GARNL3: variants seen among roughly 807,000 people sequenced by gnomAD.
GARNL3 encodes the protein GTPase-activating Rap/Ran-GAP domain-like protein 3.
GARNL3 carries 63 observed loss-of-function variants against 125.0 expected under a neutral mutation model. The ratio of observed to expected loss-of-function variants is 0.50; its 90% CI spans 0.41 to 0.62. The LOEUF is 0.62. GARNL3 is among the 20% of genes least tolerant of loss of function. The pLI, the probability that GARNL3 is intolerant of heterozygous loss-of-function variation, is 0.00. For missense variants in GARNL3, 994 were observed against 1,244.0 expected, an observed-to-expected ratio of 0.80 and a Z score of 3.02; for synonymous variants, 439 against 457.5, an observed-to-expected ratio of 0.96 and a Z score of 0.52.
At chr9:127,225,520 G>T in intron 1 of GARNL3, 1 of 348,438 alleles carries the variant, frequency 2.9e-6, no homozygotes, top group Non-Finnish European at 4.0e-6. Context: ...GAGGTTCTCA[G>T]GAGACCGGGC....
intron 2 of GARNL3, among the ~76,000 whole-genome samples, chr9:127,296,813 C>T (rs942794223): frequency 8.6e-5 from 13 of 151,928 alleles, no homozygotes; most frequent in Non-Finnish European, 1.3e-4. Flanking sequence ...GGATGACTGC[C>T]TCAATCTTCA....
chr9:127,329,932 T>TGCTA (rs1185926501), intron 7 of GARNL3, among the ~76,000 whole-genome samples: 1 of 152,184 alleles, frequency 6.6e-6, no homozygotes, highest in East Asian at 1.9e-4. Flanking sequence ...TAGTCCTTCT[T>TGCTA]GCTAGCTGTC....
chr9:127,228,290 A>G (rs1186621830), intron 1 of GARNL3, among the ~76,000 whole-genome samples: 4 of 152,260 alleles, frequency 2.6e-5, no homozygotes, highest in African/African-American at 7.2e-5. Flanking sequence ...GTCAACTTTT[A>G]TAAACAGGTC....
rs775983918 is a variant in GARNL3 at position 127,332,366 on chromosome 9, C to G, written c.670+17C>G. The G allele has an allele frequency of 1.2e-6, 2 of 1,604,810 alleles. No homozygotes were observed. The highest frequency in any genetic ancestry group is 1.7e-6 in the Non-Finnish European group (2 of 1,171,664). ...TCAGCAATGGTGAGTGATCTCCTCC[C>G]GCTCTCTGCTGCCAGAGACCCTGTC... On this transcript the variant is annotated intron_variant, in intron 8 of 27. Transcript: ENST00000373387.
chr9:127,296,944 C>A (rs1485948892), intron 2 of GARNL3, among the ~76,000 whole-genome samples: 1 of 151,980 alleles, frequency 6.6e-6, no homozygotes, highest in East Asian at 1.9e-4. Flanking sequence ...CCTGTGAGTC[C>A]CCTCCTTAGA....
At chr9:127,238,598 C>T (rs2063151454) in intron 1 of GARNL3, among the ~76,000 whole-genome samples, 1 of 152,232 alleles carries the variant, frequency 6.6e-6, no homozygotes, top group African/African-American at 2.4e-5. Flanking sequence ...CCCATGTCCT[C>T]TCCTACAGGT....
Position 127,389,002 on chromosome 9 carries a change from A to T in GARNL3, c.2626A>T (p.Ile876Phe), listed in dbSNP as rs1397909858. 1 of 1,613,772 alleles carries T rather than the reference A, an allele frequency of 6.2e-7. No homozygotes were observed. Among genetic ancestry groups the T allele is most frequent in the Admixed American group, 1.7e-5 (1 of 60,032 alleles). ...PLKSPLVSKVITPPTPISVGL... is the reference protein window; with the variant it reads ...PLKSPLVSKVFTPPTPISVGL... ...GAAGTCACCCTTAGTCTCCAAGGTC[A>T]TCACCCCACCCACTCCCATCAGTGT... The change falls in exon 26 of 28, where the codon ATC becomes TTC. Residue 876 changes from isoleucine to phenylalanine, a missense_variant. Around this residue, in one of 5 missense-constraint regions of GARNL3, gnomAD observed 728 missense variants for 865.7 expected, o/e 0.84. Coordinates refer to ENST00000373387, the MANE Select transcript of GARNL3 (RefSeq NM_032293.5).
intron 1 of GARNL3, among the ~76,000 whole-genome samples, chr9:127,226,779 A>G (rs1252875579): frequency 6.6e-6 from 1 of 152,238 alleles, no homozygotes. Context: ...CTAGACTTGG[A>G]GAACCAGACA....
At chr9:127,298,178 T>C (rs1052141736) in intron 2 of GARNL3, among the ~76,000 whole-genome samples, 2 of 152,022 alleles carry the variant, frequency 1.3e-5, no homozygotes, top group Non-Finnish European at 2.9e-5. Flanking sequence ...TTGTTTTTGG[T>C]TTTTTGGGGT....
intron 22 of GARNL3, among the ~76,000 whole-genome samples, chr9:127,371,525 A>G (rs1277276646): frequency 6.6e-6 from 1 of 152,194 alleles, no homozygotes; most frequent in Non-Finnish European, 1.5e-5. Context: ...TCTTGTTCTG[A>G]GCAAGAGGCT....
intron 2 of GARNL3, among the ~76,000 whole-genome samples, chr9:127,244,827 T>C (rs1223733362): frequency 2.6e-5 from 4 of 152,206 alleles, no homozygotes; most frequent in Non-Finnish European, 5.9e-5. Context: ...CACTGTTGGC[T>C]TTTCAGAGCT....
intron 1 of GARNL3, among the ~76,000 whole-genome samples, chr9:127,270,094 T>A (rs2063789239): frequency 6.6e-6 from 1 of 152,204 alleles, no homozygotes; most frequent in South Asian, 2.1e-4. Context: ...TTGAGTTCAT[T>A]TTTTCTATAT....
chr9:127,345,336 C>A, intron 15 of GARNL3, 67 bp from the exon 16 acceptor site: 1 of 970,758 alleles, frequency 1.0e-6, no homozygotes, highest in Admixed American at 2.6e-5. Context: ...TTTGTCAAAT[C>A]ACAATTGTTT....
At chr9:127,340,737 T>C (rs1829819420) in intron 13 of GARNL3, among the ~76,000 whole-genome samples, 1 of 151,570 alleles carries the variant, frequency 6.6e-6, no homozygotes, top group Non-Finnish European at 1.5e-5. Context: ...GGACAAGTGT[T>C]ACCCAACCTC....
intron 1 of GARNL3, among the ~76,000 whole-genome samples, chr9:127,227,946 G>A (rs935083781): frequency 2.0e-5 from 3 of 152,160 alleles, no homozygotes; most frequent in South Asian, 2.1e-4. Context: ...ACTAATTTGT[G>A]TTTGTGAGAA....
Position 127,341,166 on chromosome 9 carries a change from C to T in GARNL3, c.1136-1053C>T, listed in dbSNP as rs537714803. ...CAGGGTCCATGGGTGATGTCTCCCTCGACACATTAGAGGCAGCAGACACTG... is the reference window on the plus strand; with the variant it reads ...CAGGGTCCATGGGTGATGTCTCCCTTGACACATTAGAGGCAGCAGACACTG... On this transcript the variant is annotated intron_variant, in intron 13 of 27. Coordinates refer to ENST00000373387, the MANE Select transcript of GARNL3 (RefSeq NM_032293.5). Among the ~76,000 whole-genome samples, 10 of 152,304 alleles carry T rather than the reference C, an allele frequency of 6.6e-5. No homozygotes were observed. In the East Asian group the frequency reaches 1.9e-3, roughly 29 times the overall value.
intron 1 of GARNL3, among the ~76,000 whole-genome samples, chr9:127,289,561 G>C (rs554145917): frequency 2.6e-5 from 4 of 152,340 alleles, no homozygotes; most frequent in Non-Finnish European, 5.9e-5. Context: ...GCGGTATCCA[G>C]AGTTTTTAGC....
intron 26 of GARNL3, 129 bp from the exon 27 acceptor site, chr9:127,390,512 T>A (rs1832765290): frequency 2.4e-6 from 2 of 816,982 alleles, no homozygotes; most frequent in Non-Finnish European, 2.0e-6. Context: ...AAAATATATA[T>A]TCTATCATCT....
At chr9:127,324,466 C>T (rs1356837502) in intron 6 of GARNL3, among the ~76,000 whole-genome samples, 7 of 152,132 alleles carry the variant, frequency 4.6e-5, no homozygotes, top group South Asian at 2.1e-4. Flanking sequence ...TGACCCTCGT[C>T]GCCTCTGCAC....
Sources: allele counts gnomAD v4.1 joint callset (sites outside exome capture counted in the v4.1 genomes callset), GRCh38; gene constraint gnomAD v4.1.1; regional missense constraint gnomAD v4.1.1; transcripts MANE v1.5; gene names NCBI Gene and HGNC (gene_info 2026-07-23, HGNC 2026-07-21).